Variants in HIVEP3 observed in about 807,000 individuals in gnomAD.
HIVEP3 encodes the protein HIVEP zinc finger 3.
Under a neutral mutation model 152.8 loss-of-function variants are expected in HIVEP3, and 49 were observed. That is an observed-to-expected ratio of 0.32 (90% confidence interval 0.26 to 0.41). HIVEP3 has a LOEUF of 0.41. Ranked by LOEUF, HIVEP3 falls within the 10% of genes least tolerant of loss-of-function variation. The probability of loss-of-function intolerance (pLI) is 1.00; values close to 1 mark genes in which losing one functional copy is unlikely to be tolerated. For synonymous variants in HIVEP3, 1,269 were observed against 1,289.0 expected (o/e 0.98, Z 0.33); for missense variants, 2,790 against 3,103.3 (o/e 0.90, Z 2.40).
intron 2 of HIVEP3, among the ~76,000 whole-genome samples, chr1:41,675,829 C>T (rs1001927875): frequency 6.6e-6 from 1 of 152,122 alleles, no homozygotes; most frequent in African/African-American, 2.4e-5. Context: ...GGTGGGTGAG[C>T]CCATGGGAAG....
intron 1 of HIVEP3, among the ~76,000 whole-genome samples, chr1:41,739,265 G>A (rs1241162726): frequency 6.6e-6 from 1 of 152,206 alleles, no homozygotes; most frequent in East Asian, 1.9e-4. Flanking sequence ...GGTGGCAAAC[G>A]GGGAACTCCA....
chr1:41,549,696 T>C (rs183692044), intron 5 of HIVEP3, among the ~76,000 whole-genome samples: 1,620 of 152,290 alleles, frequency 0.011, 23 homozygotes, highest in African/African-American at 0.034. Flanking sequence ...CTGTTCATAT[T>C]GTTTGCCCAC....
intron 1 of HIVEP3, among the ~76,000 whole-genome samples, chr1:41,956,278 G>A (rs1318250989): frequency 6.6e-6 from 1 of 152,216 alleles, no homozygotes; most frequent in Non-Finnish European, 1.5e-5. Flanking sequence ...AGCACACACT[G>A]GAGATGGGGC....
intron 1 of HIVEP3, among the ~76,000 whole-genome samples, chr1:41,859,167 G>A (rs1424931065): frequency 6.6e-6 from 1 of 152,100 alleles, no homozygotes; most frequent in African/African-American, 2.4e-5. Context: ...CTGCCCCTAG[G>A]GTCTGTTTAC....
chr1:41,782,786 C>T (rs1028934946), intron 1 of HIVEP3, among the ~76,000 whole-genome samples: 5 of 148,196 alleles, frequency 3.4e-5, no homozygotes, highest in African/African-American at 1.2e-4. Flanking sequence ...CACAATTTTA[C>T]AAAAAGAAAA....
At chr1:42,003,413 A>G (rs1170784422) in intron 1 of HIVEP3, among the ~76,000 whole-genome samples, 1 of 152,198 alleles carries the variant, frequency 6.6e-6, no homozygotes, top group African/African-American at 2.4e-5. Context: ...ATCATACAAA[A>G]GAATAAAACA....
intron 2 of HIVEP3, among the ~76,000 whole-genome samples, chr1:41,642,590 A>G (rs1237745701): frequency 1.3e-5 from 2 of 152,224 alleles, no homozygotes; most frequent in African/African-American, 4.8e-5. Context: ...TATAATACAT[A>G]CAAATGTGTG....
intron 1 of HIVEP3, among the ~76,000 whole-genome samples, chr1:41,768,329 T>C (rs1325790733): frequency 6.6e-6 from 1 of 152,202 alleles, no homozygotes; most frequent in Non-Finnish European, 1.5e-5. Flanking sequence ...ATGAGACTTA[T>C]TCACTATCGC....
chr1:41,852,229 C>A (rs1050171453), intron 1 of HIVEP3, among the ~76,000 whole-genome samples: 1 of 152,202 alleles, frequency 6.6e-6, no homozygotes, highest in African/African-American at 2.4e-5. Context: ...AGAGCAGAAG[C>A]CCTAAGGTGC....
At chr1:41,585,501 G>C (rs990497165) in intron 3 of HIVEP3, among the ~76,000 whole-genome samples, 183 bp from the exon 4 acceptor site, 1 of 152,130 alleles carries the variant, frequency 6.6e-6, no homozygotes, top group African/African-American at 2.4e-5. Context: ...TCCAAGCCCT[G>C]CAATTCTTTC....
rs2149106305 is a variant in HIVEP3, at chr1:41,581,890, G to A, written c.2908C>T (p.Pro970Ser). ...PSPSSDMRPKPLGTHMLTVPS... is the reference protein window; with the variant it reads ...PSPSSDMRPKSLGTHMLTVPS... ...ACAGTCAACATGTGGGTGCCCAGGG[G>A]TTTGGGGCGCATGTCAGATGAGGGA... is the stretch of plus-strand genomic sequence containing the variant. The change falls in exon 4 of 9, where the codon CCC becomes TCC. Residue 970 changes from proline to serine, a missense_variant. Pro to Ser is a moderately conservative substitution (Grantham distance 74, BLOSUM62 -1). Coordinates refer to ENST00000372583, the MANE Select transcript of HIVEP3 (RefSeq NM_024503.5). The surrounding 1 kb of genome is among the most constrained non-coding windows in gnomAD (Gnocchi z 4.5). 1 of 1,613,618 alleles carries A rather than the reference G, an allele frequency of 6.2e-7. No individual in the cohort carries two copies. The highest frequency in any genetic ancestry group is 1.1e-5 in the South Asian group (1 of 91,038).
At chr1:41,680,150 G>A (rs1202333820) in intron 2 of HIVEP3, among the ~76,000 whole-genome samples, 1 of 152,186 alleles carries the variant, frequency 6.6e-6, no homozygotes, top group Non-Finnish European at 1.5e-5. Context: ...ATGTGGGCCA[G>A]ACAGCTAAGG....
chr1:41,650,659 G>A (rs1465262695), intron 2 of HIVEP3, among the ~76,000 whole-genome samples: 1 of 151,268 alleles, frequency 6.6e-6, no homozygotes, highest in African/African-American at 2.4e-5. Flanking sequence ...AAACCACCAA[G>A]CATAGTTCAC....
At chr1:41,978,974 T>C (rs927774336) in intron 1 of HIVEP3, among the ~76,000 whole-genome samples, 2 of 152,174 alleles carry the variant, frequency 1.3e-5, no homozygotes, top group African/African-American at 2.4e-5. Context: ...GAGTCTGGGA[T>C]GCAGGCAATG....
In HIVEP3 at chr1:41,509,912, T is replaced by A. The variant is rs1333291220; in HGVS notation, c.*539A>T. The A allele has an allele frequency of 6.6e-6, 1 of 150,914 alleles. No homozygotes were observed. Among genetic ancestry groups the A allele is most frequent in the African/African-American group, 2.4e-5 (1 of 41,018 alleles). 9.3% of individuals were successfully genotyped at this position (150,914 alleles called of 1,614,324 possible). On this transcript the variant is annotated 3_prime_UTR_variant, in exon 9 of 9. Coordinates refer to ENST00000372583, the MANE Select transcript of HIVEP3 (RefSeq NM_024503.5). The stretch of plus-strand genomic sequence containing the variant: ...GGTGGGGGTCACCTGCCTGTGTTTG[T>A]GCCCCTCTGCCTGGGGACACTGGCC...
chr1:41,818,999 G>C (rs1230524235), intron 1 of HIVEP3, among the ~76,000 whole-genome samples: 5 of 152,156 alleles, frequency 3.3e-5, no homozygotes, highest in Non-Finnish European at 7.4e-5. Context: ...CAGTGTGGAG[G>C]TATGGGCCGG....
At chr1:41,554,931 G>A (rs1643941979) in intron 5 of HIVEP3, among the ~76,000 whole-genome samples, 1 of 152,188 alleles carries the variant, frequency 6.6e-6, no homozygotes, top group African/African-American at 2.4e-5. Flanking sequence ...GTGTCTCCCA[G>A]TTAGGCTACA....
At chr1:41,621,754 G>T (rs1469772158) in intron 3 of HIVEP3, among the ~76,000 whole-genome samples, 1 of 152,178 alleles carries the variant, frequency 6.6e-6, no homozygotes, top group East Asian at 1.9e-4. Context: ...TCCGGCTCAG[G>T]TGATCCTCCT....
At chr1:41,617,027 C>T (rs1228722134) in intron 3 of HIVEP3, among the ~76,000 whole-genome samples, 1 of 152,146 alleles carries the variant, frequency 6.6e-6, no homozygotes, top group Non-Finnish European at 1.5e-5. Flanking sequence ...CGGATTTGAA[C>T]CCTGGCTGTC....
Sources: allele counts gnomAD v4.1 joint callset (sites outside exome capture counted in the v4.1 genomes callset), GRCh38; gene constraint gnomAD v4.1.1; non-coding constraint Gnocchi (gnomAD v3.1); transcripts MANE v1.5; gene names NCBI Gene and HGNC (gene_info 2026-07-23, HGNC 2026-07-21).